ZNF227: variants seen among roughly 807,000 people sequenced by gnomAD.
ZNF227 encodes zinc finger protein 227.
ZNF227 carries 12 observed loss-of-function variants against 13.2 expected under a neutral mutation model. That is an observed-to-expected ratio of 0.91 (90% CI 0.58 to 1.47). ZNF227 has a LOEUF of 1.47. Ranked by LOEUF, ZNF227 falls within the 40% of genes most tolerant of loss-of-function variation. The pLI is 0.00. For missense variants in ZNF227, 885 were observed against 967.5 expected (o/e 0.91, Z 1.13); for synonymous variants, 338 against 326.0 (o/e 1.04, Z -0.40).
Position 44,236,938 on chromosome 19 carries a change from TG to T in ZNF227, c.*109del. 2 of 816,648 alleles carry T rather than the reference TG, an allele frequency of 2.4e-6. No individual in the cohort carries two copies. The highest frequency in any genetic ancestry group is 1.9e-6 in the Non-Finnish European group (1 of 533,228). 50.6% of individuals were successfully genotyped at this position (816,648 alleles called of 1,614,324 possible). A position where few individuals can be genotyped will look rare whatever the true frequency, so the allele number is the denominator to read the frequency against. On this transcript the variant is annotated 3_prime_UTR_variant, in exon 6 of 6. Transcript: ENST00000313040. ...AAACTACTGAGAGTGGAAGGGGGTT[TG>T]TTCACACTTGGAATCTTTCTAACAA...
Position 44,228,564 on chromosome 19 carries a change from T to A in ZNF227, c.179T>A (p.Val60Asp). ...DVMVENFKNL[V>D]AVGHLPFQPD... Reference sequence around the variant, plus strand: ...ATGGTGGAGAACTTCAAGAACCTGGTTGCAGTGGGTGAGGACAGGCACTCT... The same window carrying A: ...ATGGTGGAGAACTTCAAGAACCTGGATGCAGTGGGTGAGGACAGGCACTCT... Residue 60 changes from valine to aspartate, a missense_variant, in exon 4 of 6, where the codon GTT becomes GAT. Physicochemically the swap from Val to Asp is radical, Grantham distance 152. Transcript: ENST00000313040. 6.2e-7 allele frequency: 1 copy of A among 1,612,058 alleles called. No homozygotes were observed. The highest frequency in any genetic ancestry group is 1.3e-5 in the African/African-American group (1 of 74,608).
rs750238355 is a variant in ZNF227, at chr19:44,236,727, A to G, written c.2297A>G (p.His766Arg). 6.2e-7 allele frequency: 1 copy of G among 1,614,240 alleles called. No individual in the cohort carries two copies. Among genetic ancestry groups the G allele is most frequent in the Non-Finnish European group, 8.5e-7 (1 of 1,180,036 alleles). Reference sequence around the variant, plus strand: ...CGTCTTGAAGCCCATCAGAGAGTCCACACTGGAGAAAAACCATACAAATGT... The same window carrying G: ...CGTCTTGAAGCCCATCAGAGAGTCCGCACTGGAGAAAAACCATACAAATGT... The part of the protein sequence containing the change: ...SARLEAHQRV[H>R]TGEKPYKCDI... Residue 766 changes from histidine to arginine, a missense_variant, in exon 6 of 6, where the codon CAC becomes CGC. By Grantham distance (29) the His-to-Arg change is conservative. Transcript: ENST00000313040.
At chr19:44,216,725 CATAAA>C (rs1364261123) in intron 2 of ZNF227, among the ~76,000 whole-genome samples, 1 of 151,970 alleles carries the variant, frequency 6.6e-6, no homozygotes, top group African/African-American at 2.4e-5. Context: ...TCTCTGTGCA[CATAAA>C]ATAAAAGAGA....
chr19:44,223,657 TTTTC>T (rs1280457961), intron 3 of ZNF227, among the ~76,000 whole-genome samples: 14 of 152,320 alleles, frequency 9.2e-5, no homozygotes, highest in South Asian at 8.3e-4. Flanking sequence ...TTCTCTCTTT[TTTTC>T]TTTATTAGTC....
intron 2 of ZNF227, among the ~76,000 whole-genome samples, chr19:44,215,692 C>G (rs1337840029): frequency 1.3e-5 from 2 of 151,840 alleles, no homozygotes; most frequent in East Asian, 3.9e-4. Context: ...TAAAAAAAAT[C>G]TGAAAGAAGA....
Position 44,236,778 on chromosome 19 carries a change from AC to A in ZNF227, c.2350del (p.Arg784ValfsTer36). ...KCDICDKDFR[H>X]RSRLTYHQKV... is the part of the protein sequence containing the mutation. ...GACATATGTGATAAGGACTTCCGTCACCGTTCACGTCTTACATATCATCAGA... is the reference window on the plus strand; with the variant it reads ...GACATATGTGATAAGGACTTCCGTCACGTTCACGTCTTACATATCATCAGA... On this transcript the variant is annotated frameshift_variant, in exon 6 of 6. Transcript: ENST00000313040. LOFTEE classifies it high-confidence loss of function. 1 of 1,609,638 alleles carries A rather than the reference AC, an allele frequency of 6.2e-7. No individual in the cohort carries two copies. The highest frequency in any genetic ancestry group is 8.5e-7 in the Non-Finnish European group (1 of 1,177,888).
In ZNF227 at chr19:44,235,280, C is replaced by A. The variant is rs1222324627; in HGVS notation, c.850C>A (p.Leu284Met). 6.2e-7 allele frequency: 1 copy of A among 1,613,976 alleles called. No individual in the cohort carries two copies. Among genetic ancestry groups the A allele is most frequent in the Admixed American group, 1.7e-5 (1 of 59,992 alleles). The part of the protein sequence containing the change: ...GEKCFSQSSH[L>M]RTHQRIHPGE... ...AAAATGCTTCAGTCAAAGCTCACAT[C>A]TGCGAACTCATCAGAGAATTCACCC... Residue 284 changes from leucine (L) to methionine (M), a missense_variant, in exon 6 of 6, where the codon CTG becomes ATG. By Grantham distance (15) the Leu-to-Met change is conservative. Coordinates refer to ENST00000313040, the MANE Select transcript of ZNF227 (RefSeq NM_182490.3).
At chr19:44,216,401 G>A (rs1287206757) in intron 2 of ZNF227, among the ~76,000 whole-genome samples, 7 of 151,720 alleles carry the variant, frequency 4.6e-5, no homozygotes, top group Non-Finnish European at 8.8e-5. Flanking sequence ...TTCTTTCTAG[G>A]AGCTTTAAGG....
At chr19:44,221,064 C>T (rs1415205059) in intron 3 of ZNF227, among the ~76,000 whole-genome samples, 2 of 151,456 alleles carry the variant, frequency 1.3e-5, no homozygotes, top group East Asian at 1.9e-4. Context: ...CATTGTTGGA[C>T]ATTTGGGTTG....
rs773309389 is a variant in ZNF227 at position 44,235,938 on chromosome 19, A to G, written c.1508A>G (p.Gln503Arg). 2.7e-5 allele frequency: 43 copies of G among 1,613,926 alleles called. No homozygotes were observed. The highest frequency in any genetic ancestry group is 3.6e-5 in the Non-Finnish European group (42 of 1,180,018). Residue 503 changes from glutamine (Q) to arginine (R), a missense_variant, in exon 6 of 6, where the codon CAG becomes CGG. Transcript: ENST00000313040. The part of the protein sequence containing the change: ...KCKECGKGFS[Q>R]ASNLQVHQNV... ...AAGGAGTGTGGTAAGGGCTTCAGTC[A>G]GGCTTCAAATCTTCAAGTCCATCAG...
At chr19:44,232,786 G>T (rs1406372699) in intron 5 of ZNF227, among the ~76,000 whole-genome samples, 1 of 151,750 alleles carries the variant, frequency 6.6e-6, no homozygotes, top group Non-Finnish European at 1.5e-5. Context: ...TCATATCTCA[G>T]CTTCCCTAGT....
rs1226612036 is a variant in ZNF227, at chr19:44,235,250, G to A, written c.820G>A (p.Gly274Arg). The change falls in exon 6 of 6, where the codon GGA (glycine) becomes AGA (arginine). Residue 274 changes from glycine to arginine, a missense_variant. By Grantham distance (125) the Gly-to-Arg change is moderately radical (BLOSUM62 -2). Coordinates refer to ENST00000313040, the MANE Select transcript of ZNF227 (RefSeq NM_182490.3). ...TCCCCTTCATCCGAATGTTCATACA[G>A]GAGAAAAATGCTTCAGTCAAAGCTC... ...RLPLHPNVHT[G>R]EKCFSQSSHL... 6.2e-7 allele frequency: 1 copy of A among 1,614,060 alleles called. No homozygotes were observed. Among genetic ancestry groups the A allele is most frequent in the Admixed American group, 1.7e-5 (1 of 60,000 alleles).
At chr19:44,227,150 T>G (rs1973258644) in intron 3 of ZNF227, 1 of 152,252 alleles carries the variant, frequency 6.6e-6, no homozygotes, top group Non-Finnish European at 1.5e-5. Flanking sequence ...TCGAGTTTAT[T>G]GAGCATGTAT....
upstream of ZNF227, among the ~76,000 whole-genome samples, chr19:44,209,222 C>T (rs898362958): frequency 6.6e-6 from 1 of 152,108 alleles, no homozygotes; most frequent in East Asian, 1.9e-4. Context: ...TGTTAATGAC[C>T]CCCACCCCGC....
At chr19:44,226,796 G>A (rs1206528331) in intron 3 of ZNF227, among the ~76,000 whole-genome samples, 3 of 152,126 alleles carry the variant, frequency 2.0e-5, no homozygotes, top group Non-Finnish European at 2.9e-5. Flanking sequence ...TGCGCCCACT[G>A]TCTGGCACTC....
intron 2 of ZNF227, chr19:44,217,521 C>T (rs1568594369): frequency 3.1e-6 from 2 of 645,254 alleles, no homozygotes; most frequent in East Asian, 3.1e-5. Context: ...ACTTGAGAGC[C>T]CTCATATGTT....
In ZNF227 at chr19:44,235,799, G is replaced by C; in HGVS notation, c.1369G>C (p.Val457Leu). The C allele has an allele frequency of 6.2e-7, 1 of 1,613,486 alleles. No individual in the cohort carries two copies. The highest frequency in any genetic ancestry group is 8.5e-7 in the Non-Finnish European group (1 of 1,179,886). ...TTCACCATTAATATGCCATCGGAGA[G>C]TCCACACAGGAGAGAAGCCATACAA... ...HNSPLICHRR[V>L]HTGEKPYKCE... Residue 457 changes from valine to leucine, a missense_variant, in exon 6 of 6, where the codon GTC (valine) becomes CTC (leucine). Transcript: ENST00000313040.
rs757779254 is a variant in ZNF227, at chr19:44,234,941, T to C, written c.511T>C (p.Phe171Leu). Reference sequence around the variant, plus strand: ...TTATATTGAAAATCAAGAGTTTCCATTTTGGAGAACCCAGCATTCTTGCGG... The same window carrying C: ...TTATATTGAAAATCAAGAGTTTCCACTTTGGAGAACCCAGCATTCTTGCGG... ...SIYIENQEFP[F>L]WRTQHSCGNT... The change falls in exon 6 of 6, where the codon TTT (phenylalanine) becomes CTT (leucine). Residue 171 changes from phenylalanine (F) to leucine (L), a missense_variant. Coordinates refer to ENST00000313040, the MANE Select transcript of ZNF227 (RefSeq NM_182490.3). The C allele has an allele frequency of 1.9e-6, 3 of 1,613,564 alleles. No individual in the cohort carries two copies. In the African/African-American group the frequency reaches 4.0e-5, roughly 22 times the overall value.
At position 44,234,720 on chromosome 19, in the gene ZNF227, A is replaced by G; in HGVS notation, c.290A>G (p.Lys97Arg). ...TTAATAGGCAGCAAGCATCAAAATA[A>G]GATGGAAACACTCCAAAAATTTGCA... is the stretch of plus-strand genomic sequence containing the variant. The part of the protein sequence containing the change: ...ETQRSSKHQN[K>R]METLQKFALK... Residue 97 changes from lysine (K) to arginine (R), a missense_variant, in exon 6 of 6, where the codon AAG becomes AGG. Physicochemically the swap from Lys to Arg is conservative, Grantham distance 26. Transcript: ENST00000313040. 2 of 1,588,208 alleles carry G rather than the reference A, an allele frequency of 1.3e-6. No individual in the cohort carries two copies. The highest frequency in any genetic ancestry group is 1.7e-6 in the Non-Finnish European group (2 of 1,172,536).
Sources: allele counts gnomAD v4.1 joint callset (sites outside exome capture counted in the v4.1 genomes callset), GRCh38; gene constraint gnomAD v4.1.1; transcripts MANE v1.5; gene names NCBI Gene and HGNC (gene_info 2026-07-23, HGNC 2026-07-21).